Variants in ADAMTS17 observed in about 807,000 individuals in gnomAD.
The protein encoded by ADAMTS17 is ADAM metallopeptidase with thrombospondin type 1 motif 17, also known as A disintegrin and metalloproteinase with thrombospondin motifs 17.
In ADAMTS17, 113 loss-of-function variants were observed where a neutral mutation model predicts 141.5. That is an observed-to-expected ratio of 0.80 (90% confidence interval 0.69 to 0.93). ADAMTS17 has a LOEUF of 0.93. Ranked by LOEUF, ADAMTS17 falls within the 40% of genes least tolerant of loss-of-function variation. ADAMTS17 has a pLI of 0.00. For synonymous variants in ADAMTS17, 768 were observed against 630.6 expected (o/e 1.22, Z -3.27); for missense variants, 1,659 against 1,517.9 (o/e 1.09, Z -1.54).
Position 100,056,621 on chromosome 15 carries a change from G to A in ADAMTS17, c.2138-2567C>T, listed in dbSNP as rs979531634. Among the ~76,000 whole-genome samples the A allele has an allele frequency of 5.9e-5, 9 of 152,138 alleles. 1 individual carries two copies. Among genetic ancestry groups the A allele is most frequent in the Middle Eastern group, 6.3e-3 (2 of 316 alleles). ...ATCTGACAGGAGGCGCAGCTCAGGC[G>A]GTCATGCTCGCTCGCAGGGCACTCA... On this transcript the variant is annotated intron_variant, in intron 15 of 21. Coordinates refer to ENST00000268070, the MANE Select transcript of ADAMTS17 (RefSeq NM_139057.4).
At chr15:100,042,320 T>C (rs955502096) in intron 18 of ADAMTS17, among the ~76,000 whole-genome samples, 1 of 152,208 alleles carries the variant, frequency 6.6e-6, no homozygotes, top group Non-Finnish European at 1.5e-5. Flanking sequence ...TATTTGTGTG[T>C]GTATAATAGC....
At chr15:100,330,851 G>T (rs372507296) in intron 3 of ADAMTS17, 38 bp downstream of exon 3, 11 of 1,609,264 alleles carry the variant, frequency 6.8e-6, no homozygotes, top group Non-Finnish European at 9.4e-6. Context: ...TGGGCTGTGC[G>T]TGTGTTCTAA....
chr15:100,152,560 G>A, intron 10 of ADAMTS17, 52 bp downstream of exon 10: 2 of 1,608,302 alleles, frequency 1.2e-6, no homozygotes, highest in Non-Finnish European at 1.7e-6. Context: ...ACCTGCTGTG[G>A]GAGGGCTGGA....
At chr15:100,211,138 A>G (rs2041792958) in intron 7 of ADAMTS17, among the ~76,000 whole-genome samples, 1 of 146,586 alleles carries the variant, frequency 6.8e-6, no homozygotes, top group Non-Finnish European at 1.5e-5. Context: ...AAATAAATAA[A>G]TAAAAATACA....
intron 4 of ADAMTS17, among the ~76,000 whole-genome samples, chr15:100,266,498 G>A (rs1168447970): frequency 3.3e-5 from 5 of 152,148 alleles, no homozygotes; most frequent in Non-Finnish European, 5.9e-5. Flanking sequence ...ACTAACTGGA[G>A]CCCATCCCTC....
At chr15:100,232,477 CAG>C (rs2042514474) in intron 7 of ADAMTS17, among the ~76,000 whole-genome samples, 1 of 152,216 alleles carries the variant, frequency 6.6e-6, no homozygotes, top group African/African-American at 2.4e-5. Flanking sequence ...TCAAGTCATG[CAG>C]AGAGGTGACA....
intron 8 of ADAMTS17, among the ~76,000 whole-genome samples, chr15:100,158,605 G>GC (rs11458442): frequency 0.17 from 25,616 of 152,000 alleles, 2,198 homozygotes; most frequent in Middle Eastern, 0.2. Context: ...CCTCCCTCCA[G>GC]CCCCTGGCAA....
intron 13 of ADAMTS17, 133 bp downstream of exon 13, chr15:100,116,714 A>G: frequency 1.6e-6 from 2 of 1,255,206 alleles, no homozygotes; most frequent in Non-Finnish European, 2.3e-6. Context: ...GCCGCAGCTG[A>G]GCTGGGCAGA....
At chr15:100,166,534 C>A (rs946636521) in intron 8 of ADAMTS17, among the ~76,000 whole-genome samples, 1 of 152,132 alleles carries the variant, frequency 6.6e-6, no homozygotes, top group Non-Finnish European at 1.5e-5. Context: ...AGGTAGGTAA[C>A]CCTGATGAGG....
chr15:100,181,753 T>C (rs1018975457), intron 8 of ADAMTS17, among the ~76,000 whole-genome samples: 1 of 152,358 alleles, frequency 6.6e-6, no homozygotes, highest in South Asian at 2.1e-4. Context: ...GGAGTTATTT[T>C]TGTTGCTGCA....
At chr15:100,130,755 C>G (rs771957357) in intron 12 of ADAMTS17, among the ~76,000 whole-genome samples, 3 of 152,150 alleles carry the variant, frequency 2.0e-5, no homozygotes, top group Non-Finnish European at 4.4e-5. Context: ...AGAACTTGCT[C>G]GTTTTCAAAA....
intron 18 of ADAMTS17, among the ~76,000 whole-genome samples, chr15:100,008,688 G>A (rs571594045): frequency 3.2e-4 from 49 of 152,324 alleles, no homozygotes; most frequent in Admixed American, 9.8e-4. Context: ...TTGGGCATCT[G>A]ATCTGGAAAG....
At chr15:100,063,811 G>A (rs2033307092) in intron 15 of ADAMTS17, 4 of 1,238,114 alleles carry the variant, frequency 3.2e-6, no homozygotes, top group Non-Finnish European at 4.2e-6. Flanking sequence ...CTGCACCAGA[G>A]GCCGTGCAGC....
At chr15:100,072,396 G>A (rs952859992) in intron 15 of ADAMTS17, among the ~76,000 whole-genome samples, 2 of 149,044 alleles carry the variant, frequency 1.3e-5, no homozygotes, top group Non-Finnish European at 3.0e-5. Context: ...CACAGAATTG[G>A]AAAAAACTAC....
chr15:100,239,902 C>G (rs1222666948), intron 7 of ADAMTS17, among the ~76,000 whole-genome samples: 1 of 152,164 alleles, frequency 6.6e-6, no homozygotes, highest in East Asian at 1.9e-4. Context: ...TCAGGATCAC[C>G]CTCCACCCTC....
intron 10 of ADAMTS17, among the ~76,000 whole-genome samples, chr15:100,148,749 A>G (rs954129223): frequency 3.3e-5 from 5 of 152,016 alleles, no homozygotes; most frequent in Non-Finnish European, 7.4e-5. Context: ...TGGATGCTGC[A>G]CAGGTGGGCA....
At chr15:100,150,159 G>A (rs145352977) in intron 10 of ADAMTS17, among the ~76,000 whole-genome samples, 14 of 152,338 alleles carry the variant, frequency 9.2e-5, no homozygotes, top group Admixed American at 6.5e-4. Flanking sequence ...TAAAAGGCAC[G>A]TGGGAAGATC....
intron 8 of ADAMTS17, among the ~76,000 whole-genome samples, chr15:100,169,014 G>A (rs1017958331): frequency 1.3e-5 from 2 of 152,200 alleles, no homozygotes; most frequent in African/African-American, 4.8e-5. Flanking sequence ...CGGTGGTGGT[G>A]GGGGCAGGCA....
At chr15:100,047,218 T>C (rs2031769670) in intron 18 of ADAMTS17, among the ~76,000 whole-genome samples, 1 of 145,378 alleles carries the variant, frequency 6.9e-6, no homozygotes, top group Non-Finnish European at 1.5e-5. Flanking sequence ...TCTCAAACCC[T>C]ATCTCCTGAT....
Sources: allele counts gnomAD v4.1 joint callset (sites outside exome capture counted in the v4.1 genomes callset), GRCh38; gene constraint gnomAD v4.1.1; transcripts MANE v1.5; gene names NCBI Gene and HGNC (gene_info 2026-07-23, HGNC 2026-07-21).